Variants in FAM81A observed in about 807,000 individuals in gnomAD.
FAM81A encodes the protein protein FAM81A.
Under a neutral mutation model 46.7 loss-of-function variants are expected in FAM81A, and 19 were observed. The observed-to-expected ratio is 0.41, with a 90% CI of 0.28 to 0.60. The LOEUF (loss-of-function observed/expected upper bound fraction) is 0.60. Among genes scored for constraint, FAM81A ranks in the 20% least tolerant of loss-of-function variants. FAM81A has a pLI of 0.34. For missense variants in FAM81A, 377 were observed against 453.5 expected, an observed-to-expected ratio of 0.83 and a Z score of 1.53; for synonymous variants, 183 against 152.9, an observed-to-expected ratio of 1.20 and a Z score of -1.45.
At chr15:59,463,072 C>A (rs942643855) in intron 3 of FAM81A, among the ~76,000 whole-genome samples, 1 of 152,054 alleles carries the variant, frequency 6.6e-6, no homozygotes. Flanking sequence ...TGTGTTGCAT[C>A]TTTACAACTA....
At chr15:59,511,284 G>A (rs1199182192) in intron 6 of FAM81A, among the ~76,000 whole-genome samples, 1 of 152,054 alleles carries the variant, frequency 6.6e-6, no homozygotes, top group Non-Finnish European at 1.5e-5. Flanking sequence ...TAAATGAGGA[G>A]GAAGATTTCT....
intron 3 of FAM81A, among the ~76,000 whole-genome samples, chr15:59,470,968 G>T (rs1451282051): frequency 6.6e-6 from 1 of 151,962 alleles, no homozygotes; most frequent in African/African-American, 2.4e-5. Context: ...AACTACAGGT[G>T]CATGCCACCA....
At chr15:59,509,319 A>G (rs147766629) in intron 6 of FAM81A, among the ~76,000 whole-genome samples, 27 of 152,308 alleles carry the variant, frequency 1.8e-4, no homozygotes, top group African/African-American at 5.8e-4. Flanking sequence ...AGCATCTACT[A>G]TATTATTGCT....
intron 5 of FAM81A, 81 bp from the exon 6 acceptor site, chr15:59,508,782 C>G: frequency 1.0e-6 from 1 of 961,460 alleles, no homozygotes; most frequent in South Asian, 1.5e-5. Flanking sequence ...CCATTGACTA[C>G]AATATGGCTT....
intron 4 of FAM81A, among the ~76,000 whole-genome samples, chr15:59,500,445 G>T (rs1481981384): frequency 6.6e-6 from 1 of 151,798 alleles, no homozygotes; most frequent in Non-Finnish European, 1.5e-5. Flanking sequence ...CTGTAGGCAT[G>T]CATCACCATG....
intron 1 of FAM81A, among the ~76,000 whole-genome samples, chr15:59,443,810 G>A (rs1295268399): frequency 6.6e-6 from 1 of 152,118 alleles, no homozygotes; most frequent in African/African-American, 2.4e-5. Context: ...GTTTGGGGCA[G>A]TTATGGAGTG....
At position 59,459,985 on chromosome 15, in the gene FAM81A, T is replaced by A; in HGVS notation, c.73T>A (p.Ser25Thr). ...CCAGTCCCTGACCATGGCACCATAC[T>A]CATCTGTAAGCCTCGTGGAGCAGCT... ...HSQSLTMAPY[S>T]SVSLVEQLED... Residue 25 changes from serine to threonine, a missense_variant, in exon 3 of 9, where the codon TCA becomes ACA. Coordinates refer to ENST00000288228, the MANE Select transcript of FAM81A (RefSeq NM_152450.3). The A allele has an allele frequency of 6.2e-7, 1 of 1,612,538 alleles. No homozygotes were observed. Among genetic ancestry groups the A allele is most frequent in the East Asian group, 2.2e-5 (1 of 44,844 alleles).
intron 3 of FAM81A, among the ~76,000 whole-genome samples, chr15:59,478,313 A>G (rs1416657777): frequency 6.6e-6 from 1 of 152,220 alleles, no homozygotes; most frequent in East Asian, 1.9e-4. Flanking sequence ...GGGAAACTGT[A>G]TCAAGCCCTC....
chr15:59,400,530 T>C (rs901563021), intron 1 of FAM81A, among the ~76,000 whole-genome samples: 7 of 152,010 alleles, frequency 4.6e-5, no homozygotes, highest in African/African-American at 1.5e-4. Flanking sequence ...TGATCCTCCT[T>C]CTCCACCTCT....
At position 59,477,982 on chromosome 15, in the gene FAM81A, A is replaced by G. The variant is rs115938357; in HGVS notation, c.295-14289A>G. On this transcript the variant is annotated intron_variant, in intron 3 of 8. Transcript: ENST00000288228. ...TTTAGAGGAAGTAATATAGTCAACT[A>G]TGAATTATACATGTCTGGGTTATCC... 1.8e-3 allele frequency among the ~76,000 whole-genome samples: 278 copies of G among 152,338 alleles called. 1 individual carries two copies. The highest frequency in any genetic ancestry group is 6.3e-3 in the African/African-American group (262 of 41,580).
chr15:59,411,588 G>A (rs1211040059), intron 2 of FAM81A, among the ~76,000 whole-genome samples: 1 of 152,130 alleles, frequency 6.6e-6, no homozygotes, highest in African/African-American at 2.4e-5. Context: ...ACCCTCATAG[G>A]TGTGAAATCA....
chr15:59,422,709 C>G (rs2081179409), intron 2 of FAM81A, among the ~76,000 whole-genome samples: 1 of 152,122 alleles, frequency 6.6e-6, no homozygotes, highest in Non-Finnish European at 1.5e-5. Flanking sequence ...ATCTCCTGAC[C>G]TCATGATCTG....
chr15:59,475,168 A>C (rs182114728), intron 3 of FAM81A, among the ~76,000 whole-genome samples: 1 of 151,766 alleles, frequency 6.6e-6, no homozygotes, highest in East Asian at 1.9e-4. Context: ...TTTTTGAGAC[A>C]AGGTCTCACT....
intron 1 of FAM81A, among the ~76,000 whole-genome samples, chr15:59,398,087 G>A (rs946910655): frequency 4.6e-5 from 7 of 152,138 alleles, no homozygotes; most frequent in African/African-American, 1.7e-4. Flanking sequence ...TATCAAGCCC[G>A]AGACCAGAAA....
chr15:59,522,462 A>T lies in FAM81A; in HGVS notation c.*1084A>T, dbSNP rs1307057451. 6.6e-6 allele frequency: 1 copy of T among 152,524 alleles called. No individual in the cohort carries two copies. 9.4% of individuals were successfully genotyped at this position (152,524 alleles called of 1,614,324 possible). A position where few individuals can be genotyped will look rare whatever the true frequency, so the allele number is the denominator to read the frequency against. ...ATTCAGTATTACTAATGGAATAGAA[A>T]TTCATACTTTTGTATGGACAACAAT... is the stretch of plus-strand genomic sequence containing the variant. On this transcript the variant is annotated 3_prime_UTR_variant, in exon 9 of 9. Transcript: ENST00000288228.
intron 4 of FAM81A, among the ~76,000 whole-genome samples, chr15:59,503,559 A>G (rs1272793327): frequency 6.6e-6 from 1 of 151,904 alleles, no homozygotes; most frequent in Non-Finnish European, 1.5e-5. Flanking sequence ...TATGTACTAT[A>G]AGTCAATGTA....
intron 1 of FAM81A, among the ~76,000 whole-genome samples, chr15:59,399,286 C>T (rs1449475506): frequency 1.3e-5 from 2 of 152,184 alleles, no homozygotes; most frequent in African/African-American, 4.8e-5. Flanking sequence ...AAGCTGGAAA[C>T]ATTTCCACTT....
At chr15:59,458,140 T>C (rs1376289839) in intron 1 of FAM81A, among the ~76,000 whole-genome samples, 1 of 152,194 alleles carries the variant, frequency 6.6e-6, no homozygotes, top group Non-Finnish European at 1.5e-5. Flanking sequence ...AGTAAAAGTT[T>C]TCTGAGATCA....
At chr15:59,421,438 C>G (rs529502490) in intron 2 of FAM81A, among the ~76,000 whole-genome samples, 1 of 152,092 alleles carries the variant, frequency 6.6e-6, no homozygotes, top group East Asian at 1.9e-4. Context: ...ATAGCAGGAG[C>G]GTATATACGA....
Sources: gnomAD v4.1 joint callset for allele counts (sites outside exome capture counted in the v4.1 genomes callset) on GRCh38, gnomAD v4.1.1 for gene constraint, MANE v1.5 for transcripts, NCBI Gene and HGNC (gene_info 2026-07-23, HGNC 2026-07-21) for gene names.